Variants in STAU1 observed in about 807,000 individuals in gnomAD.
STAU1 encodes the protein double-stranded RNA-binding protein Staufen homolog 1.
Under a neutral mutation model 62.9 loss-of-function variants are expected in STAU1, and 13 were observed. That is an observed-to-expected ratio of 0.21 (90% CI 0.13 to 0.33). The LOEUF is 0.33. Ranked by LOEUF, STAU1 falls within the 10% of genes least tolerant of loss-of-function variation. The probability of loss-of-function intolerance (pLI) is 1.00; values close to 1 mark genes in which losing one functional copy is unlikely to be tolerated. For missense variants in STAU1, 571 were observed against 712.1 expected (o/e 0.80, Z 2.25); for synonymous variants, 269 against 265.1 (o/e 1.01, Z -0.14).
chr20:49,182,295 T>C (rs8118211), intron 1 of STAU1, among the ~76,000 whole-genome samples: 1,983 of 152,284 alleles, frequency 0.013, 48 homozygotes, highest in African/African-American at 0.045. Flanking sequence ...AAAAACAAAT[T>C]AAGCTATTTG....
intron 3 of STAU1, among the ~76,000 whole-genome samples, chr20:49,156,049 G>A (rs1052495972): frequency 2.0e-5 from 3 of 152,084 alleles, no homozygotes; most frequent in Admixed American, 2.0e-4. Context: ...CCTTGTCTGA[G>A]GAGATACTAC....
chr20:49,163,419 C>CTTTT (rs200864480), intron 3 of STAU1, among the ~76,000 whole-genome samples: 59 of 82,404 alleles, frequency 7.2e-4, no homozygotes, highest in South Asian at 8.7e-4. Context: ...GTGTTTAAAC[C>CTTTT]TTTTTTTTTT....
In STAU1 at chr20:49,123,189, C is replaced by T. The variant is rs375668717; in HGVS notation, c.869G>A (p.Arg290Gln). ...TTTTGCCTGCTGGATCTGGGCCAGT[C>T]GGCTAATCGGATTGATCCCCTGGCC... is the stretch of plus-strand genomic sequence containing the variant. ...EYGQGINPIS[R>Q]LAQIQQAKKE... Residue 290 changes from arginine (R) to glutamine (Q), a missense_variant, in exon 8 of 14, where the codon CGA becomes CAA. Coordinates refer to ENST00000371856, the MANE Select transcript of STAU1 (RefSeq NM_017453.4). 13 of 1,613,960 alleles carry T rather than the reference C, an allele frequency of 8.1e-6. No homozygotes were observed. The highest frequency in any genetic ancestry group is 4.5e-5 in the East Asian group (2 of 44,880).
At chr20:49,119,305 G>A (rs1257393300) in intron 9 of STAU1, among the ~76,000 whole-genome samples, 2 of 152,090 alleles carry the variant, frequency 1.3e-5, no homozygotes, top group Admixed American at 6.6e-5. Context: ...TCTCAGCCTT[G>A]TAGCTCGGGC....
chr20:49,123,753 T>C (rs1035560110), intron 7 of STAU1, among the ~76,000 whole-genome samples: 6 of 152,154 alleles, frequency 3.9e-5, no homozygotes, highest in Non-Finnish European at 7.4e-5. Context: ...TTCCAGGCTA[T>C]ATTAAGCAAA....
intron 3 of STAU1, among the ~76,000 whole-genome samples, chr20:49,160,120 T>C (rs555251244): frequency 3.9e-5 from 6 of 152,196 alleles, no homozygotes; most frequent in Non-Finnish European, 7.3e-5. Flanking sequence ...GTGGGTATTA[T>C]CCCTGTTTTA....
chr20:49,127,781 G>C (rs2092663417), intron 6 of STAU1, among the ~76,000 whole-genome samples: 2 of 152,192 alleles, frequency 1.3e-5, no homozygotes, highest in African/African-American at 4.8e-5. Context: ...AGAAGGCCAA[G>C]GCGGGTGGAT....
At chr20:49,126,574 C>CAAAAAAAAAAAAAAAAAAAAAAAA (rs58056780) in intron 6 of STAU1, among the ~76,000 whole-genome samples, 13 of 24,978 alleles carry the variant, frequency 5.2e-4, no homozygotes, top group Non-Finnish European at 6.5e-4. Context: ...TCTCAAAAAG[C>CAAAAAAAAAAAAAAAAAAAAAAAA]AAAAAAAAAA....
chr20:49,137,734 T>C (rs2092919318), intron 5 of STAU1, among the ~76,000 whole-genome samples: 1 of 151,992 alleles, frequency 6.6e-6, no homozygotes, highest in African/African-American at 2.4e-5. Flanking sequence ...GGCATGACCT[T>C]GGATCACTGC....
rs201954940 is a variant in STAU1 at position 49,182,855 on chromosome 20, AT to A, written c.-160+5260del. Among the ~76,000 whole-genome samples, 884 of 148,838 alleles carry A rather than the reference AT, an allele frequency of 5.9e-3. 38 individuals are homozygous for A. Among genetic ancestry groups the A allele is most frequent in the Admixed American group, 0.02 (292 of 14,884 alleles). On this transcript the variant is annotated intron_variant, in intron 1 of 13. Coordinates refer to ENST00000371856, the MANE Select transcript of STAU1 (RefSeq NM_017453.4). ...CTCCGTCTCAAAAAAAAAAAAAAAA[AT>A]AGTAGACGGTGTTCAGCACCATGAA...
At chr20:49,116,715 A>T (rs1221981393) in intron 12 of STAU1, among the ~76,000 whole-genome samples, 1 of 152,186 alleles carries the variant, frequency 6.6e-6, no homozygotes, top group East Asian at 1.9e-4. Flanking sequence ...TGATCTGATC[A>T]ATTCCTTTTC....
chr20:49,189,329 A>C (rs1388710385), upstream of STAU1, among the ~76,000 whole-genome samples: 3 of 146,832 alleles, frequency 2.0e-5, no homozygotes, highest in African/African-American at 7.4e-5. Context: ...GAGGTTGGAG[A>C]GAGGGTGGCC....
intron 1 of STAU1, among the ~76,000 whole-genome samples, chr20:49,175,165 A>G (rs575967404): frequency 6.6e-6 from 1 of 151,214 alleles, no homozygotes; most frequent in African/African-American, 2.4e-5. Flanking sequence ...AAAGAAAATA[A>G]ATAAATAATA....
intron 6 of STAU1, among the ~76,000 whole-genome samples, chr20:49,125,720 C>T (rs1016137952): frequency 1.3e-5 from 2 of 151,796 alleles, no homozygotes; most frequent in African/African-American, 4.8e-5. Context: ...TGGTGGCAGG[C>T]GCCTGTAGTC....
the STAU1 span, among the ~76,000 whole-genome samples, chr20:49,207,790 G>C: frequency 6.6e-6 from 1 of 152,298 alleles, no homozygotes; most frequent in African/African-American, 2.4e-5. Flanking sequence ...AAAGTGCTGG[G>C]ATTATAGGCG....
intron 6 of STAU1, among the ~76,000 whole-genome samples, chr20:49,126,835 G>A (rs1197807340): frequency 6.6e-6 from 1 of 151,444 alleles, no homozygotes; most frequent in Admixed American, 6.6e-5. Flanking sequence ...TAGTACCAGA[G>A]CAACTAACTA....
intron 5 of STAU1, among the ~76,000 whole-genome samples, chr20:49,137,466 GT>G (rs1467217313): frequency 2.0e-5 from 3 of 152,012 alleles, no homozygotes; most frequent in African/African-American, 7.3e-5. Context: ...ATCTAGCAAA[GT>G]CCCCCAAAAC....
intron 5 of STAU1, among the ~76,000 whole-genome samples, chr20:49,139,464 C>T (rs1230487689): frequency 6.6e-6 from 1 of 152,176 alleles, no homozygotes; most frequent in Non-Finnish European, 1.5e-5. Context: ...GTGGCTCATG[C>T]CCGTAATCCC....
chr20:49,118,100 G>A lies in STAU1; in HGVS notation c.1190-4C>T. On this transcript the variant is annotated splice_polypyrimidine_tract_variant and splice_region_variant and intron_variant, in intron 10 of 13. Transcript: ENST00000371856. ...CTGAACTCATCCTCTTTATTACCTG[G>A]GAGGGACATACACGGTAAACACGAA... The A allele has an allele frequency of 6.2e-7, 1 of 1,613,122 alleles. No homozygotes were observed. The highest frequency in any genetic ancestry group is 8.5e-7 in the Non-Finnish European group (1 of 1,179,378).
Sources: gnomAD v4.1 joint callset for allele counts (sites outside exome capture counted in the v4.1 genomes callset) on GRCh38, gnomAD v4.1.1 for gene constraint, MANE v1.5 for transcripts, NCBI Gene and HGNC (gene_info 2026-07-23, HGNC 2026-07-21) for gene names.